Variants in PLXDC2 observed in about 807,000 individuals in gnomAD.
PLXDC2 encodes the protein plexin domain-containing protein 2.
Under a neutral mutation model 68.9 loss-of-function variants are expected in PLXDC2, and 40 were observed. The observed-to-expected ratio is 0.58, with a 90% CI of 0.45 to 0.76. PLXDC2 has a LOEUF of 0.76. Among genes scored for constraint, PLXDC2 ranks in the 30% least tolerant of loss-of-function variants. The pLI, the probability that PLXDC2 is intolerant of heterozygous loss-of-function variation, is 0.00. For missense variants in PLXDC2, 644 were observed against 661.9 expected (o/e 0.97, Z 0.30); for synonymous variants, 243 against 234.2 (o/e 1.04, Z -0.34).
intron 9 of PLXDC2, among the ~76,000 whole-genome samples, chr10:20,202,871 C>T (rs1248663552): frequency 1.3e-5 from 2 of 152,052 alleles, no homozygotes; most frequent in Non-Finnish European, 2.9e-5. Flanking sequence ...AGTGGATTGT[C>T]CCATTGTGTA....
intron 1 of PLXDC2, among the ~76,000 whole-genome samples, chr10:19,904,684 T>C (rs2131369916): frequency 1.3e-5 from 2 of 152,256 alleles, no homozygotes; most frequent in South Asian, 4.2e-4. Flanking sequence ...GTTCCTGTGG[T>C]AGTTCTTAGA....
At chr10:20,127,538 A>T (rs994689146) in intron 4 of PLXDC2, among the ~76,000 whole-genome samples, 6 of 152,200 alleles carry the variant, frequency 3.9e-5, no homozygotes, top group African/African-American at 1.4e-4. Context: ...TTCATTTACT[A>T]TAGAATATTC....
At position 20,080,538 on chromosome 10, in the gene PLXDC2, G is replaced by A. The variant is rs549774556; in HGVS notation, c.541+12299G>A. Among the ~76,000 whole-genome samples the A allele has an allele frequency of 9.9e-5, 15 of 152,240 alleles. No individual in the cohort carries two copies. In the East Asian group the frequency reaches 2.3e-3, roughly 24 times the overall value. Reference sequence around the variant, plus strand: ...CTTAGAGTCTGATGTTCGAGGGCAGGAAACATCCAGCATTGGAGAAAGATG... The same window carrying A: ...CTTAGAGTCTGATGTTCGAGGGCAGAAAACATCCAGCATTGGAGAAAGATG... On this transcript the variant is annotated intron_variant, in intron 4 of 13. Coordinates refer to ENST00000377252, the MANE Select transcript of PLXDC2 (RefSeq NM_032812.9).
intron 9 of PLXDC2, among the ~76,000 whole-genome samples, chr10:20,198,899 C>T (rs141922518): frequency 3.3e-5 from 5 of 152,154 alleles, no homozygotes; most frequent in Admixed American, 2.6e-4. Flanking sequence ...TGATAAAGTA[C>T]AATGTTGATT....
intron 1 of PLXDC2, among the ~76,000 whole-genome samples, chr10:19,889,810 C>A (rs113453315): frequency 1.1e-4 from 16 of 152,142 alleles, no homozygotes; most frequent in African/African-American, 3.9e-4. Context: ...CAGCAGGTAA[C>A]CCATATAATT....
At chr10:19,897,969 G>GA (rs1250467729) in intron 1 of PLXDC2, among the ~76,000 whole-genome samples, 1 of 151,774 alleles carries the variant, frequency 6.6e-6, no homozygotes, top group African/African-American at 2.4e-5. Flanking sequence ...CAATGAAACT[G>GA]AAAAAAATAC....
chr10:19,928,436 A>T (rs1589540893), intron 1 of PLXDC2, among the ~76,000 whole-genome samples: 1 of 152,218 alleles, frequency 6.6e-6, no homozygotes, highest in Non-Finnish European at 1.5e-5. Flanking sequence ...GAGTGCCTTC[A>T]TTTAATTAAG....
chr10:19,961,050 T>C (rs1440513162), intron 1 of PLXDC2, among the ~76,000 whole-genome samples: 1 of 152,214 alleles, frequency 6.6e-6, no homozygotes, highest in Non-Finnish European at 1.5e-5. Flanking sequence ...CTGTTTGAAT[T>C]TACTTAGCTG....
At chr10:20,269,177 C>T (rs932482760) in intron 13 of PLXDC2, among the ~76,000 whole-genome samples, 1 of 152,118 alleles carries the variant, frequency 6.6e-6, no homozygotes, top group African/African-American at 2.4e-5. Context: ...TGTCTGTTGT[C>T]TGATATAATT....
At chr10:20,170,331 C>G (rs1375416019) in intron 7 of PLXDC2, among the ~76,000 whole-genome samples, 1 of 152,084 alleles carries the variant, frequency 6.6e-6, no homozygotes, top group East Asian at 1.9e-4. Flanking sequence ...GCTGGGATTA[C>G]AGGTGCATCC....
intron 1 of PLXDC2, among the ~76,000 whole-genome samples, chr10:19,823,051 G>A (rs1323108452): frequency 6.6e-6 from 1 of 151,912 alleles, no homozygotes; most frequent in Non-Finnish European, 1.5e-5. Context: ...AAGTAGCTGG[G>A]ACTACAGGCA....
chr10:20,268,221 A>G (rs1290097637), intron 13 of PLXDC2, among the ~76,000 whole-genome samples: 1 of 152,132 alleles, frequency 6.6e-6, no homozygotes, highest in Non-Finnish European at 1.5e-5. Flanking sequence ...CAACCTCTGA[A>G]TTGATTTGAC....
At chr10:20,000,429 G>C (rs537997129) in intron 1 of PLXDC2, among the ~76,000 whole-genome samples, 1 of 152,040 alleles carries the variant, frequency 6.6e-6, no homozygotes, top group East Asian at 1.9e-4. Context: ...CTCAAGGAAA[G>C]GTCTAGATGG....
At chr10:20,210,174 C>T (rs1293435715) in intron 9 of PLXDC2, among the ~76,000 whole-genome samples, 3 of 152,060 alleles carry the variant, frequency 2.0e-5, no homozygotes, top group Non-Finnish European at 4.4e-5. Flanking sequence ...CCTATATATA[C>T]TATGTTTTCT....
chr10:19,837,221 AAG>A (rs1314075592), intron 1 of PLXDC2, among the ~76,000 whole-genome samples: 1 of 152,008 alleles, frequency 6.6e-6, no homozygotes, highest in African/African-American at 2.4e-5. Context: ...AAGTAAAAAA[AAG>A]AAATGAAGTG....
intron 6 of PLXDC2, among the ~76,000 whole-genome samples, chr10:20,150,276 T>A (rs902013249): frequency 2.0e-5 from 3 of 152,176 alleles, no homozygotes; most frequent in African/African-American, 4.8e-5. Context: ...TTTGGGGAAA[T>A]AGGTGGTGTT....
intron 3 of PLXDC2, among the ~76,000 whole-genome samples, chr10:20,063,252 G>A (rs1214173454): frequency 2.0e-5 from 3 of 152,066 alleles, no homozygotes; most frequent in Admixed American, 6.6e-5. Flanking sequence ...TAAAATCACG[G>A]TGACTACTAA....
intron 13 of PLXDC2, among the ~76,000 whole-genome samples, chr10:20,250,783 T>C (rs544583221): frequency 2.6e-5 from 4 of 152,348 alleles, no homozygotes; most frequent in African/African-American, 9.6e-5. Context: ...ATGAATGGTA[T>C]AAAAGAACTT....
intron 1 of PLXDC2, among the ~76,000 whole-genome samples, chr10:19,852,425 CAAAAAAAAAAAAAAAAAAAAAAAAAA>C (rs61430454): frequency 1.6e-5 from 1 of 61,928 alleles, no homozygotes; most frequent in Non-Finnish European, 2.9e-5. Flanking sequence ...GACCCTGTCT[CAAAAAAAAAAAAAAAAAAAAAAAAAA>C]AAAAAAAAAA....
Sources: allele counts gnomAD v4.1 joint callset (sites outside exome capture counted in the v4.1 genomes callset), GRCh38; gene constraint gnomAD v4.1.1; transcripts MANE v1.5; gene names NCBI Gene and HGNC (gene_info 2026-07-23, HGNC 2026-07-21).